Variants in ZFAT observed in about 807,000 individuals in gnomAD.
ZFAT encodes the protein zinc finger and AT-hook domain containing.
In ZFAT, 64 loss-of-function variants were observed where a neutral mutation model predicts 117.7. The observed-to-expected ratio is 0.54, with a 90% CI of 0.44 to 0.67. ZFAT has a LOEUF of 0.67. Ranked by LOEUF, ZFAT falls within the 30% of genes least tolerant of loss-of-function variation. ZFAT has a pLI of 0.00. For synonymous variants in ZFAT, 679 were observed against 615.0 expected, an observed-to-expected ratio of 1.10 and a Z score of -1.54; for missense variants, 1,433 against 1,584.5, an observed-to-expected ratio of 0.90 and a Z score of 1.62.
At chr8:134,527,390 C>T (rs1821102620) in intron 12 of ZFAT, among the ~76,000 whole-genome samples, 2 of 152,178 alleles carry the variant, frequency 1.3e-5, no homozygotes, top group African/African-American at 2.4e-5. Flanking sequence ...AACACAGGCA[C>T]TGACAGATAC....
the ZFAT span, among the ~76,000 whole-genome samples, chr8:134,741,497 G>T: frequency 6.6e-6 from 1 of 151,772 alleles, no homozygotes; most frequent in Non-Finnish European, 1.5e-5. Flanking sequence ...TCCTTTCCAC[G>T]CCCTGGACTG....
intron 3 of ZFAT, among the ~76,000 whole-genome samples, chr8:134,636,996 C>A (rs991701383): frequency 6.6e-6 from 1 of 152,250 alleles, no homozygotes. Flanking sequence ...AATCTCTGCA[C>A]TTTGGCCCAC....
At position 134,705,377 on chromosome 8, in the gene ZFAT, G is replaced by T. The variant is rs116024510; in HGVS notation, c.19+7468C>A. Among the ~76,000 whole-genome samples the T allele has an allele frequency of 5.9e-4, 81 of 137,326 alleles. 1 individual carries two copies. Among genetic ancestry groups the T allele is most frequent in the South Asian group, 1.6e-3 (7 of 4,382 alleles). The allele number at this position is 137,326 out of a possible 152,430, so 90.1% of individuals were successfully genotyped here. ...CACCATGCCCAGCTGGTTTTTTTTTGTTTTTTTTTTTTTGTAGAGCTGGGA... is the reference window on the plus strand; with the variant it reads ...CACCATGCCCAGCTGGTTTTTTTTTTTTTTTTTTTTTTTGTAGAGCTGGGA... On this transcript the variant is annotated intron_variant, in intron 1 of 15. Transcript: ENST00000377838.
intron 11 of ZFAT, among the ~76,000 whole-genome samples, chr8:134,553,289 A>C (rs117467439): frequency 9.2e-4 from 140 of 152,238 alleles, no homozygotes; most frequent in Non-Finnish European, 1.8e-3. Flanking sequence ...GTGGATCAAG[A>C]GTTAGGAGTT....
rs556520955 is a variant in ZFAT, at chr8:134,575,036, C to A, written c.2887+8796G>T. Among the ~76,000 whole-genome samples the A allele has an allele frequency of 2.6e-5, 4 of 151,958 alleles. No individual in the cohort carries two copies. In the East Asian group the frequency reaches 7.8e-4, roughly 29 times the overall value. On this transcript the variant is annotated intron_variant, in intron 10 of 15. Coordinates refer to ENST00000377838, the MANE Select transcript of ZFAT (RefSeq NM_020863.4). Reference sequence around the variant, plus strand: ...TCCTAATGATGTAAATTAACTGCTACAGATATCCATTCTTATACTGTGTCA... The same window carrying A: ...TCCTAATGATGTAAATTAACTGCTAAAGATATCCATTCTTATACTGTGTCA...
chr8:134,481,859 C>G (rs969715410), intron 15 of ZFAT, among the ~76,000 whole-genome samples: 1 of 152,338 alleles, frequency 6.6e-6, no homozygotes, highest in East Asian at 1.9e-4. Context: ...CACAGAGGGT[C>G]TGTGGTGGGA....
At chr8:134,748,379 T>G in the ZFAT span, among the ~76,000 whole-genome samples, 18 of 152,234 alleles carry the variant, frequency 1.2e-4, no homozygotes, top group Non-Finnish European at 2.5e-4. Flanking sequence ...CTGTATTGTA[T>G]TATTCTTTGA....
At chr8:134,628,425 C>G (rs755431389) in intron 3 of ZFAT, among the ~76,000 whole-genome samples, 1 of 152,040 alleles carries the variant, frequency 6.6e-6, no homozygotes, top group Non-Finnish European at 1.5e-5. Flanking sequence ...GTTCTTAAGG[C>G]GCTTAGGCTG....
intron 1 of ZFAT, among the ~76,000 whole-genome samples, chr8:134,690,020 C>G (rs1833516839): frequency 6.6e-6 from 1 of 152,214 alleles, no homozygotes; most frequent in African/African-American, 2.4e-5. Flanking sequence ...AATCTATTTT[C>G]AAAGATCAAT....
intron 4 of ZFAT, among the ~76,000 whole-genome samples, chr8:134,609,409 G>A (rs928799631): frequency 6.6e-6 from 1 of 152,108 alleles, no homozygotes; most frequent in Non-Finnish European, 1.5e-5. Context: ...ATTCTCTTCT[G>A]GGCTTCTTAT....
intron 1 of ZFAT, among the ~76,000 whole-genome samples, chr8:134,699,099 A>G (rs1833946553): frequency 1.3e-5 from 2 of 152,116 alleles, no homozygotes; most frequent in Non-Finnish European, 2.9e-5. Context: ...ATTTCCCTAA[A>G]GTCCAATGAT....
chr8:134,686,161 T>G (rs1483294722), intron 1 of ZFAT, among the ~76,000 whole-genome samples: 1 of 152,268 alleles, frequency 6.6e-6, no homozygotes, highest in African/African-American at 2.4e-5. Context: ...GGCCGCCACC[T>G]GGCCAATTCT....
chr8:134,574,151 G>A (rs1410409107), intron 10 of ZFAT, among the ~76,000 whole-genome samples: 1 of 152,214 alleles, frequency 6.6e-6, no homozygotes, highest in Non-Finnish European at 1.5e-5. Flanking sequence ...ATGTCAATGT[G>A]GTAGGTGGGG....
chr8:134,782,210 T>C, the ZFAT span, among the ~76,000 whole-genome samples: 1 of 152,242 alleles, frequency 6.6e-6, no homozygotes, highest in Non-Finnish European at 1.5e-5. Context: ...TCAGAAAGTT[T>C]CTCTTTCTTG....
At chr8:134,695,057 C>A (rs1445522615) in intron 1 of ZFAT, among the ~76,000 whole-genome samples, 2 of 152,172 alleles carry the variant, frequency 1.3e-5, no homozygotes, top group African/African-American at 4.8e-5. Context: ...AACTGATGGG[C>A]CTCAGGGCTT....
chr8:134,695,346 G>C (rs1022535694), intron 1 of ZFAT, among the ~76,000 whole-genome samples: 1 of 152,186 alleles, frequency 6.6e-6, no homozygotes, highest in Non-Finnish European at 1.5e-5. Context: ...AAAGGCAAGA[G>C]CCACTCCCCG....
At chr8:134,801,831 T>C in the ZFAT span, among the ~76,000 whole-genome samples, 1 of 152,192 alleles carries the variant, frequency 6.6e-6, no homozygotes, top group African/African-American at 2.4e-5. Flanking sequence ...CATGTATTAA[T>C]TGGGCATAAT....
At chr8:134,794,039 C>G in the ZFAT span, 1 of 152,180 alleles carries the variant, frequency 6.6e-6, no homozygotes, top group Non-Finnish European at 1.5e-5. Flanking sequence ...CTCATTTCTT[C>G]TATTTAAGGC....
chr8:134,619,243 TATAATA>T (rs1171586424), intron 3 of ZFAT, among the ~76,000 whole-genome samples: 1 of 151,930 alleles, frequency 6.6e-6, no homozygotes, highest in East Asian at 1.9e-4. Context: ...AAGCCTATTT[TATAATA>T]ATAATAATAT....
Sources: gnomAD v4.1 joint callset for allele counts (sites outside exome capture counted in the v4.1 genomes callset) on GRCh38, gnomAD v4.1.1 for gene constraint, MANE v1.5 for transcripts, NCBI Gene and HGNC (gene_info 2026-07-23, HGNC 2026-07-21) for gene names.